NKX6-1: variants seen among roughly 807,000 people sequenced by gnomAD.
NKX6-1 encodes the protein NK6 homeobox 1, also known as homeobox protein Nkx-6.1.
NKX6-1 carries 11 observed loss-of-function variants against 24.9 expected under a neutral mutation model. The ratio of observed to expected loss-of-function variants is 0.44; its 90% CI spans 0.28 to 0.73. The LOEUF (loss-of-function observed/expected upper bound fraction) is 0.73. Among genes scored for constraint, NKX6-1 ranks in the 30% least tolerant of loss-of-function variants. The pLI is 0.15. For synonymous variants in NKX6-1, 277 were observed against 242.9 expected, an observed-to-expected ratio of 1.14 and a Z score of -1.31; for missense variants, 487 against 502.9, an observed-to-expected ratio of 0.97 and a Z score of 0.30.
At chr4:84,495,106 T>C (rs1250473304) in intron 2 of NKX6-1, among the ~76,000 whole-genome samples, 1 of 152,238 alleles carries the variant, frequency 6.6e-6, no homozygotes, top group African/African-American at 2.4e-5. Flanking sequence ...TGTCAATTCA[T>C]TTGTAAAATT....
chr4:84,495,619 G>C, intron 2 of NKX6-1, 53 bp downstream of exon 2: 1 of 1,492,902 alleles, frequency 6.7e-7, no homozygotes, highest in East Asian at 2.3e-5. Context: ...ATGTGTGCAC[G>C]CGCGCGCGAC....
rs1165781169 is a variant in NKX6-1 at position 84,498,828 on chromosome 4, A to G, written c.-600T>C. On this transcript the variant is annotated 5_prime_UTR_variant, in exon 1 of 3. Coordinates refer to ENST00000295886, the MANE Select transcript of NKX6-1 (RefSeq NM_006168.3). The stretch of plus-strand genomic sequence containing the variant: ...AGAAAGCGCATCCAGCCCGCGGGAG[A>G]TCTAGCCTCTGTGCGGGCTTCCTCC... 6.6e-6 allele frequency among the ~76,000 whole-genome samples: 1 copy of G among 152,130 alleles called. No individual in the cohort carries two copies. The highest frequency in any genetic ancestry group is 1.5e-5 in the Non-Finnish European group (1 of 68,022).
chr4:84,494,185 A>AAAAC (rs759729340), intron 2 of NKX6-1, among the ~76,000 whole-genome samples: 75 of 152,034 alleles, frequency 4.9e-4, no homozygotes, highest in Non-Finnish European at 1.0e-3. Context: ...AAAAAAAAAA[A>AAAAC]AAAAAAGATC....
Position 84,498,444 on chromosome 4 carries a change from G to C in NKX6-1, c.-216C>G. 1 of 440,598 alleles carries C rather than the reference G, an allele frequency of 2.3e-6. No homozygotes were observed. Among genetic ancestry groups the C allele is most frequent in the Non-Finnish European group, 3.8e-6 (1 of 265,922 alleles). 27.3% of individuals were successfully genotyped at this position (440,598 alleles called of 1,614,324 possible). A position where few individuals can be genotyped will look rare whatever the true frequency, so the allele number is the denominator to read the frequency against. ...CAAACCCTCCACGCGGGAGGCGGCA[G>C]CTCGCCGAGAAAAGCAGGCGTCCCG... On this transcript the variant is annotated 5_prime_UTR_variant, in exon 1 of 3. Transcript: ENST00000295886.
In NKX6-1 at chr4:84,499,056, G is replaced by A. The variant is rs74509976; in HGVS notation, c.-828C>T. ...TGACGGCTGGGTTTCGGCGCCGCTC[G>A]TCAGTCCACTTCTGCAAACGGGCCC... On this transcript the variant is annotated 5_prime_UTR_variant, in exon 1 of 3. The change creates a new upstream start codon in the 5' untranslated region. Transcript: ENST00000295886. Among the ~76,000 whole-genome samples, 1 of 152,176 alleles carries A rather than the reference G, an allele frequency of 6.6e-6. No homozygotes were observed. Among genetic ancestry groups the A allele is most frequent in the Non-Finnish European group, 1.5e-5 (1 of 68,042 alleles).
rs1222475165 is a variant in NKX6-1 at position 84,497,133 on chromosome 4, G to A, written c.670+426C>T. Reference sequence around the variant, plus strand: ...CTGGCGAAGGCGGAATGGGGCGCTGGACGACAGGGAGGAGCCGGGAAAGCA... The same window carrying A: ...CTGGCGAAGGCGGAATGGGGCGCTGAACGACAGGGAGGAGCCGGGAAAGCA... On this transcript the variant is annotated intron_variant, in intron 1 of 2. Transcript: ENST00000295886. This position sits in a 1 kb window ranked among gnomAD's most constrained non-coding sequence, Gnocchi z 4.8. 6.6e-6 allele frequency among the ~76,000 whole-genome samples: 1 copy of A among 152,186 alleles called. No homozygotes were observed. Among genetic ancestry groups the A allele is most frequent in the African/African-American group, 2.4e-5 (1 of 41,470 alleles).
rs1231117424 is a variant in NKX6-1 at position 84,497,584 on chromosome 4, C to T, written c.645G>A (p.Arg215=). 1 of 1,266,692 alleles carries T rather than the reference C, an allele frequency of 7.9e-7. No individual in the cohort carries two copies. The highest frequency in any genetic ancestry group is 1.0e-6 in the Non-Finnish European group (1 of 1,000,024). The allele number at this position is 1,266,692 out of a possible 1,614,324, so 78.5% of individuals were successfully genotyped here. A position where few individuals can be genotyped will look rare whatever the true frequency, so the allele number is the denominator to read the frequency against. The change falls in exon 1 of 3, where the codon AGG becomes AGA. Residue 215 remains arginine, a synonymous_variant. Transcript: ENST00000295886. The surrounding 1 kb of genome is among the most constrained non-coding windows in gnomAD (Gnocchi z 4.8). ...GAGGGGTACAGGCCAGGCGTGCGTC[C>T]CTCCAGGGCGGGCTCTGCATCACTC... The part of the protein sequence containing the change: ...WPGVMQSPPW[R]DARLACTPHQ...
Position 84,498,115 on chromosome 4 carries a change from G to T in NKX6-1, c.114C>A (p.Ala38=). Residue 38 remains alanine, a synonymous_variant, in exon 1 of 3, where the codon GCC becomes GCA. Coordinates refer to ENST00000295886, the MANE Select transcript of NKX6-1 (RefSeq NM_006168.3). ...GGCCGGCAGGCAGCGGGGGATACGC[G>T]GCAGGGTACAGCGGGGTCTTCATCT... is the stretch of plus-strand genomic sequence containing the variant. ...MAEMKTPLYP[A]AYPPLPAGPP... is the part of the protein sequence containing the mutation. 5 of 1,283,424 alleles carry T rather than the reference G, an allele frequency of 3.9e-6. No individual in the cohort carries two copies. In the East Asian group the frequency reaches 1.4e-4, roughly 37 times the overall value. 79.5% of individuals were successfully genotyped at this position (1,283,424 alleles called of 1,614,324 possible).
intron 1 of NKX6-1, among the ~76,000 whole-genome samples, chr4:84,496,318 G>A (rs2109987095): frequency 6.6e-6 from 1 of 151,884 alleles, no homozygotes; most frequent in East Asian, 1.9e-4. Context: ...GCACACAAGA[G>A]AGCTAAATCG....
intron 2 of NKX6-1, among the ~76,000 whole-genome samples, chr4:84,495,175 G>A (rs1408335004): frequency 6.6e-6 from 1 of 152,172 alleles, no homozygotes; most frequent in Non-Finnish European, 1.5e-5. Flanking sequence ...TATGGCAAGT[G>A]GTTAGATCCT....
Position 84,493,325 on chromosome 4 carries a change from G to A in NKX6-1, c.1068C>T (p.Leu356=). Residue 356 remains leucine (L), a synonymous_variant, in exon 3 of 3, where the codon CTC becomes CTT. Coordinates refer to ENST00000295886, the MANE Select transcript of NKX6-1 (RefSeq NM_006168.3). This position sits in a 1 kb window ranked among gnomAD's most constrained non-coding sequence, Gnocchi z 5.1. ...HKSSSGGGGG[L]LLHASEPESS... ...TCTCCGGCTCGGACGCGTGCAGTAGGAGGCCGCCGCCGCCGCCGCTGCTGG... is the reference window on the plus strand; with the variant it reads ...TCTCCGGCTCGGACGCGTGCAGTAGAAGGCCGCCGCCGCCGCCGCTGCTGG... The A allele has an allele frequency of 1.2e-6, 2 of 1,612,148 alleles. No homozygotes were observed. Among genetic ancestry groups the A allele is most frequent in the South Asian group, 1.1e-5 (1 of 91,020 alleles).
In NKX6-1 at chr4:84,493,309, C is replaced by T; in HGVS notation, c.1084G>A (p.Glu362Lys). The T allele has an allele frequency of 2.5e-6, 4 of 1,605,096 alleles. No individual in the cohort carries two copies. The highest frequency in any genetic ancestry group is 3.4e-6 in the Non-Finnish European group (4 of 1,178,400). ...GGGGLLLHAS[E>K]PESSS is the part of the protein sequence containing the mutation. The stretch of plus-strand genomic sequence containing the variant: ...GGCGTTCAGGATGAGCTCTCCGGCT[C>T]GGACGCGTGCAGTAGGAGGCCGCCG... The change falls in exon 3 of 3, where the codon GAG (glutamate) becomes AAG (lysine). Residue 362 changes from glutamate to lysine, a missense_variant. By Grantham distance (56) the Glu-to-Lys change is moderately conservative. Coordinates refer to ENST00000295886, the MANE Select transcript of NKX6-1 (RefSeq NM_006168.3). This position sits in a 1 kb window ranked among gnomAD's most constrained non-coding sequence, Gnocchi z 5.1.
chr4:84,498,186 A>G lies in NKX6-1; in HGVS notation c.43T>C (p.Phe15Leu). Residue 15 changes from phenylalanine to leucine, a missense_variant, in exon 1 of 3, where the codon TTC (phenylalanine) becomes CTC (leucine). This residue lies in a region of NKX6-1 where 316 missense variants were observed against 311.4 expected (regional missense o/e 1.01). Coordinates refer to ENST00000295886, the MANE Select transcript of NKX6-1 (RefSeq NM_006168.3). Reference sequence around the variant, plus strand: ...GCCAGGGGAGGGCTGCTGAGCAGGAATGCGCTCTGCCGGGTGCCCTCCATT... The same window carrying G: ...GCCAGGGGAGGGCTGCTGAGCAGGAGTGCGCTCTGCCGGGTGCCCTCCATT... ...GAMEGTRQSA[F>L]LLSSPPLAAL... 1 of 1,297,974 alleles carries G rather than the reference A, an allele frequency of 7.7e-7. No homozygotes were observed. Among genetic ancestry groups the G allele is most frequent in the Non-Finnish European group, 9.8e-7 (1 of 1,022,828 alleles). 80.4% of individuals were successfully genotyped at this position (1,297,974 alleles called of 1,614,324 possible).
Position 84,497,865 on chromosome 4 carries a change from C to T in NKX6-1, c.364G>A (p.Gly122Ser). The change falls in exon 1 of 3, where the codon GGT becomes AGT. Residue 122 changes from glycine to serine, a missense_variant. Gly to Ser is a moderately conservative substitution (Grantham distance 56). This residue lies in a region of NKX6-1 where 316 missense variants were observed against 311.4 expected (regional missense o/e 1.01). Transcript: ENST00000295886. The surrounding 1 kb of genome is among the most constrained non-coding windows in gnomAD (Gnocchi z 4.8). ...GAALPSASPSGSSSSSSSSAS... is the reference protein window; with the variant it reads ...GAALPSASPSSSSSSSSSSAS... ...GACGAGGAAGAGGAGGAGGAGGAAC[C>T]GGAGGGCGAGGCGGAGGGCAGGGCG... 7.8e-7 allele frequency: 1 copy of T among 1,279,606 alleles called. No homozygotes were observed. The highest frequency in any genetic ancestry group is 9.9e-7 in the Non-Finnish European group (1 of 1,015,216). The allele number at this position is 1,279,606 out of a possible 1,614,324, so 79.3% of individuals were successfully genotyped here. A position where few individuals can be genotyped will look rare whatever the true frequency, so the allele number is the denominator to read the frequency against.
At chr4:84,495,243 C>T (rs1720794261) in intron 2 of NKX6-1, among the ~76,000 whole-genome samples, 1 of 152,198 alleles carries the variant, frequency 6.6e-6, no homozygotes, top group East Asian at 1.9e-4. Flanking sequence ...TACTGATCTA[C>T]ATTAGGAAAT....
At position 84,498,171 on chromosome 4, in the gene NKX6-1, G is replaced by C. The variant is rs1720868575; in HGVS notation, c.58C>G (p.Pro20Ala). 1.5e-6 allele frequency: 2 copies of C among 1,297,874 alleles called. No homozygotes were observed. The highest frequency in any genetic ancestry group is 2.0e-6 in the Non-Finnish European group (2 of 1,022,914). 80.4% of individuals were successfully genotyped at this position (1,297,874 alleles called of 1,614,324 possible). Residue 20 changes from proline (P) to alanine (A), a missense_variant, in exon 1 of 3, where the codon CCT becomes GCT. Physicochemically the swap from Pro to Ala is conservative, Grantham distance 27. This residue lies in a region of NKX6-1 where 316 missense variants were observed against 311.4 expected (regional missense o/e 1.01). Coordinates refer to ENST00000295886, the MANE Select transcript of NKX6-1 (RefSeq NM_006168.3). ...ATGCTGTGCAGGGCGGCCAGGGGAG[G>C]GCTGCTGAGCAGGAATGCGCTCTGC... is the stretch of plus-strand genomic sequence containing the variant. ...TRQSAFLLSS[P>A]PLAALHSMAE...
Position 84,498,031 on chromosome 4 carries a change from G to A in NKX6-1, c.198C>T (p.Thr66=), listed in dbSNP as rs1011123345. The change falls in exon 1 of 3, where the codon ACC becomes ACT. Residue 66 remains threonine (T), a synonymous_variant. Coordinates refer to ENST00000295886, the MANE Select transcript of NKX6-1 (RefSeq NM_006168.3). ...GGGGCTTCAGGCCGCCTGGGTTGTG[G>A]GTGCCCAGAGGCGGGGAGGGCGACG... is the stretch of plus-strand genomic sequence containing the variant. ...SSSSPSPPLG[T]HNPGGLKPPA... The A allele has an allele frequency of 6.3e-6, 8 of 1,270,876 alleles. No individual in the cohort carries two copies. Among genetic ancestry groups the A allele is most frequent in the Non-Finnish European group, 6.9e-6 (7 of 1,008,374 alleles). 78.7% of individuals were successfully genotyped at this position (1,270,876 alleles called of 1,614,324 possible). A position where few individuals can be genotyped will look rare whatever the true frequency, so the allele number is the denominator to read the frequency against.
rs1720810783 is a variant in NKX6-1 at position 84,495,956 on chromosome 4, C to T, written c.671-112G>A. 7 of 1,090,154 alleles carry T rather than the reference C, an allele frequency of 6.4e-6. No individual in the cohort carries two copies. The Middle Eastern group carries it at 8.6e-4, about 134-fold the overall frequency. 67.5% of individuals were successfully genotyped at this position (1,090,154 alleles called of 1,614,324 possible). The stretch of plus-strand genomic sequence containing the variant: ...CAATGTTTTGTGGGGAAAGAAAGCT[C>T]AGTCTGTGGCGGACACCAGAAGTGT... On this transcript the variant is annotated intron_variant, in intron 1 of 2. Coordinates refer to ENST00000295886, the MANE Select transcript of NKX6-1 (RefSeq NM_006168.3).
At chr4:84,496,128 A>G (rs924891506) in intron 1 of NKX6-1, among the ~76,000 whole-genome samples, 5 of 152,188 alleles carry the variant, frequency 3.3e-5, no homozygotes, top group African/African-American at 4.8e-5. Flanking sequence ...AAAGTTTGCC[A>G]GAGCCTAATC....
Sources: allele counts gnomAD v4.1 joint callset (sites outside exome capture counted in the v4.1 genomes callset), GRCh38; gene constraint gnomAD v4.1.1; regional missense constraint gnomAD v4.1.1; non-coding constraint Gnocchi (gnomAD v3.1); transcripts MANE v1.5; gene names NCBI Gene and HGNC (gene_info 2026-07-23, HGNC 2026-07-21).